USP54: variants seen among roughly 807,000 people sequenced by gnomAD.
The protein encoded by USP54 is ubiquitin specific peptidase 54.
In USP54, 87 loss-of-function variants were observed where a neutral mutation model predicts 170.5. The observed-to-expected ratio is 0.51, with a 90% CI of 0.43 to 0.61. The LOEUF (loss-of-function observed/expected upper bound fraction) is 0.61, where lower values mean the gene tolerates loss of function less well. Ranked by LOEUF, USP54 falls within the 20% of genes least tolerant of loss-of-function variation. The pLI is 0.00. For synonymous variants in USP54, 655 were observed against 742.8 expected (o/e 0.88, Z 1.92); for missense variants, 1,786 against 2,047.8 (o/e 0.87, Z 2.47).
intron 4 of USP54, among the ~76,000 whole-genome samples, chr10:73,557,518 ACT>A (rs1333162009): frequency 7.2e-6 from 1 of 138,252 alleles, no homozygotes; most frequent in African/African-American, 2.7e-5. Context: ...ACGGAGTCTC[ACT>A]CTGTCGCCAG....
chr10:73,517,400 C>A lies in USP54; in HGVS notation c.3026G>T (p.Cys1009Phe). Residue 1009 changes from cysteine to phenylalanine, a missense_variant, in exon 20 of 24, where the codon TGC becomes TTC. Around this residue, in one of 3 missense-constraint regions of USP54, gnomAD observed 1,418 missense variants for 1,569.0 expected, o/e 0.90. Coordinates refer to ENST00000687698, the MANE Select transcript of USP54 (RefSeq NM_001391956.1). ...LQGSRCDNSS[C>F]SKLPPQEGRG... is the part of the protein sequence containing the mutation. ...TCCTTCTTGTGGAGGGAGCTTGCTG[C>A]AACTGCTGTTGTCACACCTAGAGCC... 6.2e-7 allele frequency: 1 copy of A among 1,613,870 alleles called. No homozygotes were observed. Among genetic ancestry groups the A allele is most frequent in the Non-Finnish European group, 8.5e-7 (1 of 1,179,904 alleles).
intron 20 of USP54, among the ~76,000 whole-genome samples, chr10:73,509,439 C>CAAA (rs1229372512): frequency 9.4e-6 from 1 of 106,754 alleles, no homozygotes; most frequent in Non-Finnish European, 2.1e-5. Context: ...CTGTCTCTAC[C>CAAA]AAAAAAAAAA....
At chr10:73,602,538 G>A (rs1031239037) in intron 1 of USP54, among the ~76,000 whole-genome samples, 5 of 147,960 alleles carry the variant, frequency 3.4e-5, no homozygotes, top group African/African-American at 1.0e-4. Flanking sequence ...GGGTAACAGA[G>A]CAAGACTCTG....
intron 4 of USP54, among the ~76,000 whole-genome samples, chr10:73,570,702 C>G (rs554743332): frequency 6.6e-6 from 1 of 151,514 alleles, no homozygotes; most frequent in Admixed American, 6.6e-5. Context: ...TGTGCCACCT[C>G]ACCCGTTGTA....
intron 4 of USP54, among the ~76,000 whole-genome samples, chr10:73,565,435 G>A (rs1373109820): frequency 1.3e-5 from 2 of 152,060 alleles, no homozygotes; most frequent in African/African-American, 2.4e-5. Flanking sequence ...AGGATTCCTT[G>A]AGCCCAGGAG....
At chr10:73,543,879 T>G (rs1204862987) in intron 5 of USP54, among the ~76,000 whole-genome samples, 1 of 152,150 alleles carries the variant, frequency 6.6e-6, no homozygotes, top group Non-Finnish European at 1.5e-5. Context: ...TAATCACTAA[T>G]GTCTTCTCTC....
chr10:73,516,382 G>A lies in USP54; in HGVS notation c.4044C>T (p.Ser1348=), dbSNP rs1338633506. The part of the protein sequence containing the change: ...GQQDTAWHPL[S]QTGSADGMGR... ...CCCTGGTTGCATTCTTACCTGTTTGGCTAAGTGGGTGCCAGGCGGTATCCT... is the reference window on the plus strand; with the variant it reads ...CCCTGGTTGCATTCTTACCTGTTTGACTAAGTGGGTGCCAGGCGGTATCCT... Residue 1348 remains serine, a synonymous_variant, in exon 20 of 24, where the codon AGC becomes AGT. Coordinates refer to ENST00000687698, the MANE Select transcript of USP54 (RefSeq NM_001391956.1). 1.2e-6 allele frequency: 2 copies of A among 1,608,420 alleles called. No homozygotes were observed. Among genetic ancestry groups the A allele is most frequent in the Admixed American group, 1.7e-5 (1 of 59,318 alleles).
intron 16 of USP54, among the ~76,000 whole-genome samples, chr10:73,524,423 T>C (rs1483324389): frequency 6.6e-6 from 1 of 151,464 alleles, no homozygotes; most frequent in Non-Finnish European, 1.5e-5. Flanking sequence ...CTACTAAAAA[T>C]ACAAAAATTA....
intron 1 of USP54, among the ~76,000 whole-genome samples, chr10:73,608,661 C>T (rs866971228): frequency 1.3e-5 from 2 of 152,066 alleles, no homozygotes; most frequent in African/African-American, 2.4e-5. Context: ...TTTGGAAGGC[C>T]GAGGTGGGCA....
intron 4 of USP54, among the ~76,000 whole-genome samples, chr10:73,561,948 T>C (rs1283535567): frequency 6.8e-6 from 1 of 146,206 alleles, no homozygotes; most frequent in Admixed American, 6.7e-5. Context: ...GAAATGACAA[T>C]CTGTTAGCTG....
chr10:73,498,681 G>A lies in USP54; in HGVS notation c.5003C>T (p.Ala1668Val), dbSNP rs756018910. ...AGCCCTGATCTGCTCTCTTCTGGGA[G>A]CATCTGATAGAACAAACAGAAACCC... ...GEGFLFVLSD[A>V]PRREQIRARV... Residue 1668 changes from alanine (A) to valine (V), a missense_variant, in exon 24 of 24, where the codon GCT becomes GTT. By Grantham distance (64) the Ala-to-Val change is moderately conservative. Coordinates refer to ENST00000687698, the MANE Select transcript of USP54 (RefSeq NM_001391956.1). 112 of 1,599,310 alleles carry A rather than the reference G, an allele frequency of 7.0e-5. No individual in the cohort carries two copies. Among genetic ancestry groups the A allele is most frequent in the Non-Finnish European group, 9.4e-5 (110 of 1,172,322 alleles).
At position 73,519,892 on chromosome 10, in the gene USP54, C is replaced by T; in HGVS notation, c.2583G>A (p.Leu861=). ...ATTGCTGCTGCTGCATGCGATCCTG[C>T]AGGCTCCGTGCTTTTCGAATACTGA... is the stretch of plus-strand genomic sequence containing the variant. ...LQISIRKARS[L]QDRMQQQQSP... The change falls in exon 19 of 24, where the codon CTG becomes CTA. Residue 861 remains leucine (L), a synonymous_variant. Transcript: ENST00000687698. 1 of 1,614,134 alleles carries T rather than the reference C, an allele frequency of 6.2e-7. No homozygotes were observed. Among genetic ancestry groups the T allele is most frequent in the Non-Finnish European group, 8.5e-7 (1 of 1,180,022 alleles).
In USP54 at chr10:73,618,729, G is replaced by T. The variant is rs1346156667; in HGVS notation, c.-18+6838C>A. Among the ~76,000 whole-genome samples the T allele has an allele frequency of 3.5e-5, 5 of 141,390 alleles. 1 individual carries two copies. Among genetic ancestry groups the T allele is most frequent in the African/African-American group, 1.4e-4 (5 of 34,908 alleles). 92.8% of individuals were successfully genotyped at this position (141,390 alleles called of 152,430 possible). ...TGCACTCCAGCCTGGGTCACAGAGC[G>T]AGACTCCATCTCAAAAAAAAAAAAA... On this transcript the variant is annotated intron_variant, in intron 1 of 22. Coordinates refer to the USP54 transcript ENST00000339859.
At chr10:73,564,239 G>A (rs1285878666) in intron 4 of USP54, among the ~76,000 whole-genome samples, 1 of 152,154 alleles carries the variant, frequency 6.6e-6, no homozygotes, top group Non-Finnish European at 1.5e-5. Flanking sequence ...AGGCTCAAGC[G>A]ATCCTCCCAC....
At position 73,499,176 on chromosome 10, in the gene USP54, C is replaced by T; in HGVS notation, c.4508G>A (p.Ser1503Asn). ...ACACATAGCCAGAAACTGCTGGACACTCCTTGAAGTTCCTGGGGAAAGAAA... is the reference window on the plus strand; with the variant it reads ...ACACATAGCCAGAAACTGCTGGACATTCCTTGAAGTTCCTGGGGAAAGAAA... The part of the protein sequence containing the change: ...EPNRLPGTSR[S>N]VQQFLAMCDR... The change falls in exon 24 of 24, where the codon AGT (serine) becomes AAT (asparagine). Residue 1503 changes from serine (S) to asparagine (N), a missense_variant. Ser to Asn is a conservative substitution (Grantham distance 46, BLOSUM62 1). Transcript: ENST00000687698. The T allele has an allele frequency of 1.9e-6, 3 of 1,597,724 alleles. No individual in the cohort carries two copies. The highest frequency in any genetic ancestry group is 2.6e-6 in the Non-Finnish European group (3 of 1,173,734).
At chr10:73,623,740 A>G (rs1024397714) in intron 1 of USP54, among the ~76,000 whole-genome samples, 3 of 152,206 alleles carry the variant, frequency 2.0e-5, no homozygotes, top group Non-Finnish European at 4.4e-5. Flanking sequence ...TCATGTTCAT[A>G]TATTGTGCTT....
intron 4 of USP54, among the ~76,000 whole-genome samples, chr10:73,565,588 T>G (rs760820884): frequency 6.6e-6 from 1 of 152,200 alleles, no homozygotes; most frequent in African/African-American, 2.4e-5. Context: ...TTTTCAGCAG[T>G]GTCATATTTT....
chr10:73,519,858 G>A lies in USP54; in HGVS notation c.2617C>T (p.Gln873Ter). 1 of 1,614,160 alleles carries A rather than the reference G, an allele frequency of 6.2e-7. No homozygotes were observed. The highest frequency in any genetic ancestry group is 8.5e-7 in the Non-Finnish European group (1 of 1,180,034). ...DRMQQQQSPQ[Q>*]PSQPSACLPT... ...AGGCAGGCTGAGGGCTGCGACGGCTGCTGTGGTGATTGCTGCTGCTGCATG... is the reference window on the plus strand; with the variant it reads ...AGGCAGGCTGAGGGCTGCGACGGCTACTGTGGTGATTGCTGCTGCTGCATG... Residue 873 changes from glutamine (Q) to a stop codon, truncating the protein, a stop_gained, in exon 19 of 24, where the codon CAG becomes TAG. Transcript: ENST00000687698. LOFTEE classifies it high-confidence loss of function.
chr10:73,619,818 G>GTAA (rs1316482370), intron 1 of USP54, among the ~76,000 whole-genome samples: 1 of 150,680 alleles, frequency 6.6e-6, no homozygotes, highest in Non-Finnish European at 1.5e-5. Flanking sequence ...AGGTAAACAA[G>GTAA]TAATCAGTTT....
Sources: allele counts gnomAD v4.1 joint callset (sites outside exome capture counted in the v4.1 genomes callset), GRCh38; gene constraint gnomAD v4.1.1; regional missense constraint gnomAD v4.1.1; transcripts MANE v1.5; gene names NCBI Gene and HGNC (gene_info 2026-07-23, HGNC 2026-07-21).